The following PATL1 variants were observed in gnomAD, a reference collection of about 807,000 sequenced individuals.
PATL1 encodes protein PAT1 homolog 1.
In PATL1, 32 loss-of-function variants were observed where a neutral mutation model predicts 100.6. That is an observed-to-expected ratio of 0.32 (90% CI 0.24 to 0.43). The LOEUF (loss-of-function observed/expected upper bound fraction) is 0.43, where lower values mean the gene tolerates loss of function less well. Ranked by LOEUF, PATL1 falls within the 20% of genes least tolerant of loss-of-function variation. PATL1 has a pLI of 1.00. For synonymous variants in PATL1, 332 were observed against 330.0 expected (o/e 1.01, Z -0.07); for missense variants, 747 against 949.9 (o/e 0.79, Z 2.81).
At position 59,639,205 on chromosome 11, in the gene PATL1, G is replaced by A. The variant is rs1362264961; in HGVS notation, c.2142-8C>T. On this transcript the variant is annotated splice_region_variant and splice_polypyrimidine_tract_variant and intron_variant, in intron 17 of 18. Coordinates refer to ENST00000300146, the MANE Select transcript of PATL1 (RefSeq NM_152716.3). ...ATGAACATCACCTCCGTCCTGACAGGGAAGACCCATAATAATATCAGGAGA... is the reference window on the plus strand; with the variant it reads ...ATGAACATCACCTCCGTCCTGACAGAGAAGACCCATAATAATATCAGGAGA... 6.2e-7 allele frequency: 1 copy of A among 1,612,984 alleles called. No homozygotes were observed. Among genetic ancestry groups the A allele is most frequent in the Non-Finnish European group, 8.5e-7 (1 of 1,179,582 alleles).
rs764718415 is a variant in PATL1 at position 59,655,721 on chromosome 11, G to C, written c.833C>G (p.Ser278Cys). Residue 278 changes from serine to cysteine, a missense_variant, in exon 8 of 19, where the codon TCT becomes TGT. Physicochemically the swap from Ser to Cys is moderately radical, Grantham distance 112 (BLOSUM62 -1). Transcript: ENST00000300146. ...AGGGACCCGTGCAAACTGGCTGGGAGACATCCGTCCAGGCTGTAGCTACAA... is the reference window on the plus strand; with the variant it reads ...AGGGACCCGTGCAAACTGGCTGGGACACATCCGTCCAGGCTGTAGCTACAA... ...GGAQLQPGRM[S>C]PSQFARVPGF... 3.1e-6 allele frequency: 5 copies of C among 1,596,964 alleles called. No homozygotes were observed. The highest frequency in any genetic ancestry group is 1.7e-4 in the Middle Eastern group (1 of 6,046).
chr11:59,642,449 T>C (rs911144827), intron 16 of PATL1, among the ~76,000 whole-genome samples: 3 of 152,178 alleles, frequency 2.0e-5, no homozygotes, highest in Non-Finnish European at 2.9e-5. Context: ...TAAGTAGAAG[T>C]TTCTGGTTAG....
chr11:59,661,027 A>G (rs1348726706), intron 2 of PATL1, among the ~76,000 whole-genome samples: 1 of 152,074 alleles, frequency 6.6e-6, no homozygotes, highest in African/African-American at 2.4e-5. Flanking sequence ...AGTTCTCTCC[A>G]ATCTTATTCC....
At chr11:59,638,496 A>G (rs1861224768) in intron 18 of PATL1, 85 bp from the exon 19 acceptor site, 2 of 1,232,686 alleles carry the variant, frequency 1.6e-6, no homozygotes, top group African/African-American at 1.5e-5. Context: ...ACATCTTTGT[A>G]AGACTTCTCA....
intron 15 of PATL1, among the ~76,000 whole-genome samples, chr11:59,644,500 T>C (rs1312752093): frequency 1.3e-5 from 2 of 152,002 alleles, no homozygotes; most frequent in African/African-American, 2.4e-5. Flanking sequence ...CCTGGTAAGG[T>C]TTTTAAAATC....
chr11:59,639,565 C>T, intron 16 of PATL1, 182 bp from the exon 17 acceptor site: 1 of 571,604 alleles, frequency 1.7e-6, no homozygotes, highest in South Asian at 2.1e-5. Flanking sequence ...TGTCTCTCTC[C>T]AGGCTTTATT....
chr11:59,640,971 G>A lies in PATL1; in HGVS notation c.2050-1588C>T, dbSNP rs1198741603. Among the ~76,000 whole-genome samples the A allele has an allele frequency of 4.0e-5, 6 of 151,860 alleles. No individual in the cohort carries two copies. In the South Asian group the frequency reaches 6.2e-4, roughly 16 times the overall value. On this transcript the variant is annotated intron_variant, in intron 16 of 18. Transcript: ENST00000300146. ...TGGATCACGTGAGGTCAGGAGCCCC[G>A]GACCAGCCTGGCCAACATGGCAAAA...
At chr11:59,642,507 T>A (rs974784135) in intron 16 of PATL1, among the ~76,000 whole-genome samples, 4 of 152,200 alleles carry the variant, frequency 2.6e-5, no homozygotes. Context: ...CTGGTCCACA[T>A]CTTTTTGCCC....
chr11:59,656,961 A>T, intron 5 of PATL1: 2 of 485,630 alleles, frequency 4.1e-6, no homozygotes, highest in Non-Finnish European at 5.4e-6. Context: ...ACTAAGTCCT[A>T]TTCTGAAGCC....
At position 59,665,570 on chromosome 11, in the gene PATL1, GAGGGA is replaced by G. The variant is rs542526505; in HGVS notation, c.127+1278_127+1282del. On this transcript the variant is annotated intron_variant, in intron 2 of 18. Coordinates refer to ENST00000300146, the MANE Select transcript of PATL1 (RefSeq NM_152716.3). ...AATCCCAGCACTTTGGGAGGCTGAG[GAGGGA>G]TCACTTGAGGTCAGGAGTTCATGAC... 9.0e-3 allele frequency among the ~76,000 whole-genome samples: 1,368 copies of G among 151,602 alleles called. 19 individuals are homozygous for G. The highest frequency in any genetic ancestry group is 0.031 in the African/African-American group (1,266 of 41,376).
At chr11:59,638,958 C>G in intron 18 of PATL1, 90 bp downstream of exon 18, 8 of 1,407,164 alleles carry the variant, frequency 5.7e-6, no homozygotes, top group Non-Finnish European at 7.8e-6. Flanking sequence ...GCTGGGATTA[C>G]AGGTGTGAGC....
chr11:59,653,870 T>C (rs1861483212), intron 9 of PATL1, 113 bp downstream of exon 9: 1 of 846,698 alleles, frequency 1.2e-6, no homozygotes, highest in Non-Finnish European at 1.9e-6. Flanking sequence ...TCCAGGTTTA[T>C]GGATATGAAG....
intron 3 of PATL1, 63 bp from the exon 4 acceptor site, chr11:59,659,009 C>T (rs1861589223): frequency 1.4e-6 from 2 of 1,396,384 alleles, no homozygotes; most frequent in Non-Finnish European, 2.0e-6. Context: ...GACTTATCTG[C>T]TGCTGGGGAA....
intron 16 of PATL1, chr11:59,639,592 C>T: frequency 2.0e-6 from 1 of 495,958 alleles, no homozygotes; most frequent in Non-Finnish European, 3.6e-6. Flanking sequence ...TAGCAGTGAC[C>T]AGGCGCAGCC....
chr11:59,645,092 TG>T (rs1861342555), intron 15 of PATL1, among the ~76,000 whole-genome samples: 1 of 141,982 alleles, frequency 7.0e-6, no homozygotes, highest in African/African-American at 2.6e-5. Context: ...AGCACAGGGT[TG>T]GGGGTAAGGT....
chr11:59,666,018 TG>T (rs924266895), intron 2 of PATL1, among the ~76,000 whole-genome samples: 1 of 152,158 alleles, frequency 6.6e-6, no homozygotes, highest in African/African-American at 2.4e-5. Flanking sequence ...CTGGGCGCGG[TG>T]GCTCAGGCCT....
chr11:59,640,618 G>A (rs1426178082), intron 16 of PATL1, among the ~76,000 whole-genome samples: 1 of 152,106 alleles, frequency 6.6e-6, no homozygotes, highest in Non-Finnish European at 1.5e-5. Context: ...TACTCGGGAG[G>A]CTGAGGCAGG....
At chr11:59,654,368 T>C (rs1192055374) in intron 8 of PATL1, among the ~76,000 whole-genome samples, 10 of 151,752 alleles carry the variant, frequency 6.6e-5, no homozygotes, top group South Asian at 2.1e-4. Flanking sequence ...TCCCAGCTAC[T>C]TGGGAGGCTG....
Position 59,653,031 on chromosome 11 carries a change from C to A in PATL1, c.1122-13G>T. On this transcript the variant is annotated splice_polypyrimidine_tract_variant and intron_variant, in intron 9 of 18. Coordinates refer to ENST00000300146, the MANE Select transcript of PATL1 (RefSeq NM_152716.3). ...ATTCCGATGCTGACTGAAAAACATA[C>A]ACCACATTCATTCCATGTGGGCAAA... The A allele has an allele frequency of 6.3e-7, 1 of 1,597,062 alleles. No individual in the cohort carries two copies.
Sources: allele counts gnomAD v4.1 joint callset (sites outside exome capture counted in the v4.1 genomes callset), GRCh38; gene constraint gnomAD v4.1.1; transcripts MANE v1.5; gene names NCBI Gene and HGNC (gene_info 2026-07-23, HGNC 2026-07-21).